PRPSAP2: variants seen among roughly 807,000 people sequenced by gnomAD.
PRPSAP2 encodes the protein phosphoribosyl pyrophosphate synthase-associated protein 2.
Under a neutral mutation model 40.6 loss-of-function variants are expected in PRPSAP2, and 24 were observed. The observed-to-expected ratio is 0.59, with a 90% CI of 0.43 to 0.83. The LOEUF is 0.83. Among genes scored for constraint, PRPSAP2 ranks in the 40% least tolerant of loss-of-function variants. The pLI is 0.00. For missense variants in PRPSAP2, 292 were observed against 465.6 expected (o/e 0.63, Z 3.43); for synonymous variants, 149 against 164.7 (o/e 0.90, Z 0.73).
rs1186135511 is a variant in PRPSAP2 at position 18,877,845 on chromosome 17, G to A, written c.387G>A (p.Leu129=). ...MRKRGSIVSK[L]LASMMCKAGL... is the part of the protein sequence containing the mutation. The stretch of plus-strand genomic sequence containing the variant: ...AAAGAGGCTCCATTGTCTCTAAATT[G>A]CTGGCTTCCATGATGTGCAAAGCTG... The change falls in exon 6 of 12, where the codon TTG becomes TTA. Residue 129 remains leucine (L), a synonymous_variant. Transcript: ENST00000268835. 6.8e-6 allele frequency: 11 copies of A among 1,612,000 alleles called. No homozygotes were observed. Among genetic ancestry groups the A allele is most frequent in the Admixed American group, 1.7e-5 (1 of 59,470 alleles).
At chr17:18,920,470 C>T (rs2041631312) in intron 9 of PRPSAP2, among the ~76,000 whole-genome samples, 1 of 152,164 alleles carries the variant, frequency 6.6e-6, no homozygotes, top group African/African-American at 2.4e-5. Flanking sequence ...GTGATCACTA[C>T]AGGCCGTCTT....
intron 8 of PRPSAP2, among the ~76,000 whole-genome samples, chr17:18,893,602 A>AT (rs201462221): frequency 0.012 from 1,858 of 151,550 alleles, 36 homozygotes; most frequent in African/African-American, 0.043. Context: ...GAAAAAAAAA[A>AT]ACATTAACTG....
intron 5 of PRPSAP2, among the ~76,000 whole-genome samples, chr17:18,875,960 G>A (rs555784853): frequency 7.6e-4 from 116 of 151,680 alleles, no homozygotes; most frequent in African/African-American, 2.7e-3. Context: ...ATGGAGAAAC[G>A]CTCTCTCTGC....
At chr17:18,878,506 A>G (rs1477568795) in intron 6 of PRPSAP2, among the ~76,000 whole-genome samples, 2 of 152,110 alleles carry the variant, frequency 1.3e-5, no homozygotes, top group African/African-American at 4.8e-5. Context: ...TTGTGTCAAT[A>G]TATTTGTGTT....
At chr17:18,893,934 T>C (rs1165846358) in intron 8 of PRPSAP2, among the ~76,000 whole-genome samples, 2 of 152,166 alleles carry the variant, frequency 1.3e-5, no homozygotes, top group African/African-American at 4.8e-5. Context: ...CTTGGCTCAC[T>C]GCAACCTCTG....
intron 6 of PRPSAP2, among the ~76,000 whole-genome samples, 182 bp downstream of exon 6, chr17:18,878,052 G>A (rs1257740740): frequency 1.3e-5 from 2 of 152,070 alleles, no homozygotes; most frequent in Non-Finnish European, 2.9e-5. Flanking sequence ...AAGTAGCTAG[G>A]ACTATAGGCA....
At chr17:18,913,313 G>A (rs1054083028) in intron 9 of PRPSAP2, among the ~76,000 whole-genome samples, 1 of 152,120 alleles carries the variant, frequency 6.6e-6, no homozygotes, top group African/African-American at 2.4e-5. Context: ...CACCACTGTG[G>A]TTTGTTGCCT....
At chr17:18,889,980 A>C (rs2039435609) in intron 8 of PRPSAP2, 103 bp downstream of exon 8, 4 of 992,274 alleles carry the variant, frequency 4.0e-6, no homozygotes, top group Non-Finnish European at 5.9e-6. Context: ...TCCCAGCGAT[A>C]TCTCTTATTT....
chr17:18,926,398 C>T (rs938269125), intron 10 of PRPSAP2, among the ~76,000 whole-genome samples: 5 of 151,780 alleles, frequency 3.3e-5, no homozygotes, highest in Non-Finnish European at 7.4e-5. Context: ...TCCCAAGTAG[C>T]TGGGACTACA....
intron 7 of PRPSAP2, among the ~76,000 whole-genome samples, chr17:18,886,604 C>T (rs183412467): frequency 5.3e-5 from 8 of 152,014 alleles, no homozygotes; most frequent in African/African-American, 9.6e-5. Context: ...ATGATCTGCC[C>T]GCCTCAGCCT....
chr17:18,880,674 G>A (rs2038666177), intron 6 of PRPSAP2, among the ~76,000 whole-genome samples: 1 of 152,098 alleles, frequency 6.6e-6, no homozygotes, highest in Admixed American at 6.6e-5. Flanking sequence ...CTCCCAAAGT[G>A]CTGGGTTTAC....
chr17:18,892,727 G>GTGTGTGTGTGTTTATTTATT (rs60288281), intron 8 of PRPSAP2, among the ~76,000 whole-genome samples: 1 of 126,626 alleles, frequency 7.9e-6, no homozygotes, highest in Non-Finnish European at 1.7e-5. Flanking sequence ...GTGTGTGTGT[G>GTGTGTGTGTGTTTATTTATT]TATTTATTTA....
chr17:18,921,754 CA>C (rs1597755467), intron 9 of PRPSAP2, among the ~76,000 whole-genome samples: 1 of 152,170 alleles, frequency 6.6e-6, no homozygotes, highest in Non-Finnish European at 1.5e-5. Flanking sequence ...AAGATCTCAG[CA>C]GTTGAAAAGT....
At position 18,911,550 on chromosome 17, in the gene PRPSAP2, A is replaced by C. The variant is rs971343375; in HGVS notation, c.733+299A>C. 7.9e-5 allele frequency among the ~76,000 whole-genome samples: 12 copies of C among 152,102 alleles called. No individual in the cohort carries two copies. Among genetic ancestry groups the C allele is most frequent in the African/African-American group, 2.6e-4 (11 of 41,522 alleles). ...GCAGTATATACTAGAGTGTAGTTTA[A>C]CATAAGCAAAAAGCTTTTTATATAC... On this transcript the variant is annotated intron_variant, in intron 9 of 11. Transcript: ENST00000268835. This position sits in a 1 kb window ranked among gnomAD's most constrained non-coding sequence, Gnocchi z 4.5.
At chr17:18,863,988 T>C (rs994185785) in intron 1 of PRPSAP2, among the ~76,000 whole-genome samples, 1 of 151,404 alleles carries the variant, frequency 6.6e-6, no homozygotes, top group African/African-American at 2.4e-5. Flanking sequence ...TACAGGCATG[T>C]ACCACCATGC....
At chr17:18,885,859 T>A (rs2039105465) in intron 7 of PRPSAP2, among the ~76,000 whole-genome samples, 1 of 152,166 alleles carries the variant, frequency 6.6e-6, no homozygotes, top group African/African-American at 2.4e-5. Context: ...AGTGCTGGGA[T>A]TACAGGTGTG....
chr17:18,913,830 A>G (rs1264958577), intron 9 of PRPSAP2, among the ~76,000 whole-genome samples: 4 of 151,440 alleles, frequency 2.6e-5, no homozygotes, highest in Non-Finnish European at 4.4e-5. Context: ...GGTGTGAGCC[A>G]CCACTCCTGG....
At chr17:18,914,448 C>T (rs1485041672) in intron 9 of PRPSAP2, among the ~76,000 whole-genome samples, 5 of 146,484 alleles carry the variant, frequency 3.4e-5, no homozygotes, top group Admixed American at 1.4e-4. Flanking sequence ...TTGGTAGAGA[C>T]GGGGTCTTGC....
chr17:18,880,038 G>A (rs1030745094), intron 6 of PRPSAP2, among the ~76,000 whole-genome samples: 1 of 152,092 alleles, frequency 6.6e-6, no homozygotes, highest in African/African-American at 2.4e-5. Flanking sequence ...GGAGGTTGTG[G>A]TGAACCAAGA....
Sources: gnomAD v4.1 joint callset for allele counts (sites outside exome capture counted in the v4.1 genomes callset) on GRCh38, gnomAD v4.1.1 for gene constraint, Gnocchi (gnomAD v3.1) non-coding constraint, MANE v1.5 for transcripts, NCBI Gene and HGNC (gene_info 2026-07-23, HGNC 2026-07-21) for gene names.